SEMA6D: variants seen among roughly 807,000 people sequenced by gnomAD.
SEMA6D encodes the protein semaphorin 6D.
SEMA6D carries 35 observed loss-of-function variants against 106.6 expected under a neutral mutation model. That is an observed-to-expected ratio of 0.33 (90% CI 0.25 to 0.44). SEMA6D has a LOEUF of 0.44. SEMA6D is among the 20% of genes least tolerant of loss of function. SEMA6D has a pLI of 1.00. For missense variants in SEMA6D, 1,185 were observed against 1,345.9 expected (o/e 0.88, Z 1.87); for synonymous variants, 499 against 487.7 (o/e 1.02, Z -0.31).
intron 11 of SEMA6D, 35 bp from the exon 12 acceptor site, chr15:47,764,603 G>A (rs778306868): frequency 6.2e-6 from 10 of 1,609,864 alleles, no homozygotes; most frequent in Non-Finnish European, 7.6e-6. Context: ...GGCAGGGGCA[G>A]CCGAGAGCAT....
chr15:47,751,051 A>G (rs1045845152), intron 1 of SEMA6D, among the ~76,000 whole-genome samples: 2 of 152,198 alleles, frequency 1.3e-5, no homozygotes, highest in Admixed American at 6.5e-5. Context: ...TGGAATCTGT[A>G]TATATAGTGA....
chr15:47,372,171 C>T (rs1037171070), intron 1 of SEMA6D, among the ~76,000 whole-genome samples: 1 of 152,212 alleles, frequency 6.6e-6, no homozygotes, highest in Non-Finnish European at 1.5e-5. Context: ...AGAACTCTTG[C>T]TTCAGATGGC....
chr15:47,685,443 C>T (rs1328223440), intron 4 of SEMA6D, among the ~76,000 whole-genome samples: 1 of 152,152 alleles, frequency 6.6e-6, no homozygotes, highest in Non-Finnish European at 1.5e-5. Flanking sequence ...GCCTGGTCTG[C>T]TGGATGTCTT....
intron 4 of SEMA6D, among the ~76,000 whole-genome samples, chr15:47,649,872 T>TCTCAACTAGGGCCGGGCGCGGTGG (rs1290976134): frequency 1.3e-5 from 2 of 152,174 alleles, no homozygotes; most frequent in African/African-American, 4.8e-5. Flanking sequence ...TCTTAAAACT[T>TCTCAACTAGGGCCGGGCGCGGTGG]CTCAACTAGC....
rs374549755 is a variant in SEMA6D, at chr15:47,771,574, C to G, written c.3011C>G (p.Pro1004Arg). Residue 1004 changes from proline (P) to arginine (R), a missense_variant, in exon 19 of 19, where the codon CCC (proline) becomes CGC (arginine). Pro to Arg is a moderately radical substitution (Grantham distance 103). Around this residue, in one of 3 missense-constraint regions of SEMA6D, gnomAD observed 750 missense variants for 783.5 expected, o/e 0.96. Transcript: ENST00000536845. Reference sequence around the variant, plus strand: ...AACCGTGGAGGATATATGCCCACCCCCACTGGGGCGAAGGTGGACTATATT... The same window carrying G: ...AACCGTGGAGGATATATGCCCACCCGCACTGGGGCGAAGGTGGACTATATT... ...SMNRGGYMPT[P>R]TGAKVDYIQG... The G allele has an allele frequency of 6.2e-7, 1 of 1,614,076 alleles. No homozygotes were observed. Among genetic ancestry groups the G allele is most frequent in the Non-Finnish European group, 8.5e-7 (1 of 1,179,966 alleles).
intron 3 of SEMA6D, among the ~76,000 whole-genome samples, chr15:47,496,697 A>G (rs2043672384): frequency 6.6e-6 from 1 of 151,872 alleles, no homozygotes; most frequent in African/African-American, 2.4e-5. Context: ...CCGGTTTGTT[A>G]TCTTTTCCCA....
Position 47,200,234 on chromosome 15 carries a change from T to G in SEMA6D, c.-239+15816T>G, listed in dbSNP as rs375391087. 7.2e-5 allele frequency among the ~76,000 whole-genome samples: 11 copies of G among 152,186 alleles called. No individual in the cohort carries two copies. In the East Asian group the frequency reaches 1.2e-3, roughly 16 times the overall value. On this transcript the variant is annotated intron_variant, in intron 1 of 19. Coordinates refer to the SEMA6D transcript ENST00000558014. Reference sequence around the variant, plus strand: ...CCAGTTTTGATTTAGCTCCCCTTGCTTCCTCAATCTGTGAGTATCTGATGT... The same window carrying G: ...CCAGTTTTGATTTAGCTCCCCTTGCGTCCTCAATCTGTGAGTATCTGATGT...
chr15:47,721,861 C>T (rs1567021952), intron 1 of SEMA6D, among the ~76,000 whole-genome samples: 1 of 152,090 alleles, frequency 6.6e-6, no homozygotes, highest in Non-Finnish European at 1.5e-5. Context: ...TCTGCTTGGA[C>T]ACAGTATGTA....
At chr15:47,523,119 T>C (rs1211168022) in intron 3 of SEMA6D, among the ~76,000 whole-genome samples, 1 of 152,202 alleles carries the variant, frequency 6.6e-6, no homozygotes, top group African/African-American at 2.4e-5. Context: ...GTGCCCTTCA[T>C]TGGCTGAATC....
intron 2 of SEMA6D, among the ~76,000 whole-genome samples, chr15:47,433,318 C>A (rs937556051): frequency 6.6e-6 from 1 of 151,692 alleles, no homozygotes; most frequent in South Asian, 2.1e-4. Flanking sequence ...GAGGCATTAT[C>A]GCCAAGTATT....
chr15:47,415,318 A>C (rs957580366), intron 2 of SEMA6D, among the ~76,000 whole-genome samples: 5 of 152,278 alleles, frequency 3.3e-5, no homozygotes, highest in African/African-American at 1.2e-4. Context: ...AAATTACTCC[A>C]AATGAGAGTA....
chr15:47,360,066 A>G (rs1162927959), intron 1 of SEMA6D: 3 of 152,138 alleles, frequency 2.0e-5, no homozygotes, highest in African/African-American at 7.2e-5. Context: ...CTTCTACACA[A>G]GGACATAAAT....
chr15:47,271,926 C>A (rs1412259674), intron 1 of SEMA6D, among the ~76,000 whole-genome samples: 2 of 152,168 alleles, frequency 1.3e-5, no homozygotes, highest in Non-Finnish European at 2.9e-5. Context: ...ATGACCCAAG[C>A]ATTTCACTAG....
At chr15:47,281,829 A>G (rs1428657270) in intron 1 of SEMA6D, among the ~76,000 whole-genome samples, 3 of 152,102 alleles carry the variant, frequency 2.0e-5, no homozygotes, top group Non-Finnish European at 1.5e-5. Flanking sequence ...AGATATGCCC[A>G]TTCTTATTAT....
intron 4 of SEMA6D, among the ~76,000 whole-genome samples, chr15:47,621,319 G>C (rs936829267): frequency 6.6e-6 from 1 of 152,064 alleles, no homozygotes; most frequent in Non-Finnish European, 1.5e-5. Context: ...CTGCAGTCAC[G>C]ATCAGAAATA....
chr15:47,658,446 T>C (rs574047700), intron 4 of SEMA6D, among the ~76,000 whole-genome samples: 1 of 152,348 alleles, frequency 6.6e-6, no homozygotes, highest in East Asian at 1.9e-4. Flanking sequence ...TGTAAGATGC[T>C]TCTCAATTTC....
intron 4 of SEMA6D, among the ~76,000 whole-genome samples, chr15:47,706,919 G>A (rs16959948): frequency 0.024 from 3,649 of 152,302 alleles, 148 homozygotes; most frequent in South Asian, 0.11. Context: ...CTAATACCGT[G>A]ATGCTCACGA....
At chr15:47,211,666 G>A (rs1426347211) in intron 1 of SEMA6D, among the ~76,000 whole-genome samples, 2 of 151,946 alleles carry the variant, frequency 1.3e-5, no homozygotes, top group Admixed American at 1.3e-4. Flanking sequence ...TTAAAATTCT[G>A]TCATGACCTT....
chr15:47,565,812 C>T (rs781235841), intron 3 of SEMA6D, among the ~76,000 whole-genome samples: 4 of 152,268 alleles, frequency 2.6e-5, no homozygotes, highest in African/African-American at 7.2e-5. Flanking sequence ...CAGTGCAAAG[C>T]GGGAAGTCAG....
Sources: allele counts gnomAD v4.1 joint callset (sites outside exome capture counted in the v4.1 genomes callset), GRCh38; gene constraint gnomAD v4.1.1; regional missense constraint gnomAD v4.1.1; transcripts MANE v1.5; gene names NCBI Gene and HGNC (gene_info 2026-07-23, HGNC 2026-07-21).